The following ZNF800 variants were observed in gnomAD, a reference collection of about 807,000 sequenced individuals.
The protein encoded by ZNF800 is zinc finger protein 800.
Under a neutral mutation model 59.5 loss-of-function variants are expected in ZNF800, and 13 were observed. That is an observed-to-expected ratio of 0.22 (90% CI 0.14 to 0.35). The LOEUF (loss-of-function observed/expected upper bound fraction) is 0.35, where lower values mean the gene tolerates loss of function less well. Among genes scored for constraint, ZNF800 ranks in the 10% least tolerant of loss-of-function variants. ZNF800 has a pLI of 1.00. For synonymous variants in ZNF800, 266 were observed against 265.7 expected (o/e 1.00, Z -0.01); for missense variants, 621 against 783.7 (o/e 0.79, Z 2.48).
chr7:127,389,799 C>CT (rs1391215292), intron 2 of ZNF800, among the ~76,000 whole-genome samples: 2 of 152,000 alleles, frequency 1.3e-5, no homozygotes, highest in African/African-American at 2.4e-5. Flanking sequence ...ACAATTTTGT[C>CT]TGAGTTCCTG....
At chr7:127,372,498 A>AT in intron 5 of ZNF800, 2 of 537,086 alleles carry the variant, frequency 3.7e-6, no homozygotes, top group Non-Finnish European at 4.7e-6. Context: ...AAAAAAAAAA[A>AT]GTAGTATTTT....
intron 1 of ZNF800, among the ~76,000 whole-genome samples, chr7:127,358,063 T>C (rs987841339): frequency 2.0e-5 from 3 of 152,054 alleles, no homozygotes; most frequent in South Asian, 4.1e-4. Flanking sequence ...CTCTAGCCCC[T>C]GGGCAATTTC....
intron 4 of ZNF800, among the ~76,000 whole-genome samples, chr7:127,375,656 A>G (rs1489828192): frequency 6.6e-6 from 1 of 152,066 alleles, no homozygotes; most frequent in East Asian, 1.9e-4. Flanking sequence ...ACAAATAATT[A>G]AAAACTATAC....
At chr7:127,391,468 A>C in intron 2 of ZNF800, 29 bp downstream of exon 2, 4 of 1,612,996 alleles carry the variant, frequency 2.5e-6, no homozygotes, top group Non-Finnish European at 3.4e-6. Flanking sequence ...GATGGAGGGC[A>C]AAGCAACTGC....
At chr7:127,343,422 A>G (rs1207761884), downstream of ZNF800, among the ~76,000 whole-genome samples, 1 of 151,754 alleles carries the variant, frequency 6.6e-6, no homozygotes, top group African/African-American at 2.4e-5. Context: ...TAGACAACAA[A>G]TTTTAAAATT....
chr7:127,358,830 T>G, intron 1 of ZNF800, among the ~76,000 whole-genome samples: 1 of 152,142 alleles, frequency 6.6e-6, no homozygotes, highest in Non-Finnish European at 1.5e-5. Flanking sequence ...AAGCAGGAGC[T>G]TACTTGTTTA....
At chr7:127,380,406 C>T (rs1347735431) in intron 3 of ZNF800, among the ~76,000 whole-genome samples, 1 of 152,052 alleles carries the variant, frequency 6.6e-6, no homozygotes, top group Non-Finnish European at 1.5e-5. Flanking sequence ...ACTGAGGAGT[C>T]AAAAATGAGA....
chr7:127,376,473 C>T (rs1195850092), intron 4 of ZNF800, among the ~76,000 whole-genome samples: 1 of 151,842 alleles, frequency 6.6e-6, no homozygotes. Flanking sequence ...ACACTGCCAG[C>T]CTCATCACAC....
At chr7:127,358,297 G>A (rs1800314191) in intron 1 of ZNF800, among the ~76,000 whole-genome samples, 1 of 150,094 alleles carries the variant, frequency 6.7e-6, no homozygotes, top group Non-Finnish European at 1.5e-5. Flanking sequence ...CGTCTCCACT[G>A]CCTGGAAAAT....
At chr7:127,358,843 G>C (rs1800337502) in intron 1 of ZNF800, among the ~76,000 whole-genome samples, 1 of 152,066 alleles carries the variant, frequency 6.6e-6, no homozygotes, top group Admixed American at 6.6e-5. Flanking sequence ...CTTGTTTACT[G>C]ACTGAATGAA....
At chr7:127,389,589 T>G (rs1025286405) in intron 2 of ZNF800, among the ~76,000 whole-genome samples, 2 of 152,190 alleles carry the variant, frequency 1.3e-5, no homozygotes, top group African/African-American at 4.8e-5. Flanking sequence ...CCACTCAGCA[T>G]ATACCTTCCT....
intron 5 of ZNF800, chr7:127,373,037 C>T: frequency 1.0e-6 from 1 of 984,860 alleles, no homozygotes; most frequent in Non-Finnish European, 1.2e-6. Flanking sequence ...TAAACATAAG[C>T]CAATATAAAT....
chr7:127,362,562 T>A (rs553098461), intron 1 of ZNF800: 1 of 152,108 alleles, frequency 6.6e-6, no homozygotes, highest in Non-Finnish European at 1.5e-5. Context: ...TCAACAGATA[T>A]GTTTTAAGTG....
chr7:127,355,018 C>A (rs966037801), intron 1 of ZNF800, among the ~76,000 whole-genome samples: 4 of 152,022 alleles, frequency 2.6e-5, no homozygotes, highest in African/African-American at 9.7e-5. Flanking sequence ...CTGAGATACA[C>A]ACTCTCAAAA....
rs370834158 is a variant in ZNF800, at chr7:127,377,959, G to C, written c.158-630C>G. Among the ~76,000 whole-genome samples the C allele has an allele frequency of 6.6e-6, 1 of 152,030 alleles. No individual in the cohort carries two copies. Among genetic ancestry groups the C allele is most frequent in the East Asian group, 1.9e-4 (1 of 5,174 alleles). ...GAAGTAGAGAATCTTTGTCTATACT[G>C]AGACATAATTTTGAACTATGCTTAC... On this transcript the variant is annotated intron_variant, in intron 3 of 5. Coordinates refer to ENST00000265827, the MANE Select transcript of ZNF800 (RefSeq NM_176814.5). The surrounding 1 kb of genome is among the most constrained non-coding windows in gnomAD (Gnocchi z 4.7).
intron 2 of ZNF800, 63 bp from the exon 3 acceptor site, chr7:127,386,218 TA>T: frequency 1.0e-6 from 1 of 1,000,810 alleles, no homozygotes; most frequent in South Asian, 1.4e-5. Flanking sequence ...AATCATTTAC[TA>T]TTAAAGTAAA....
intron 3 of ZNF800, among the ~76,000 whole-genome samples, chr7:127,384,529 C>G (rs1801081319): frequency 6.6e-6 from 1 of 151,926 alleles, no homozygotes; most frequent in Non-Finnish European, 1.5e-5. Context: ...CCACCGCGCC[C>G]AGCCTAATTC....
intron 5 of ZNF800, 41 bp from the exon 6 acceptor site, chr7:127,371,855 T>A: frequency 1.3e-6 from 1 of 742,362 alleles, no homozygotes. Flanking sequence ...TTGAGTTTAC[T>A]AATAAAACCT....
At chr7:127,348,322 A>T (rs541470674) in intron 1 of ZNF800, among the ~76,000 whole-genome samples, 1 of 152,146 alleles carries the variant, frequency 6.6e-6, no homozygotes, top group South Asian at 2.1e-4. Flanking sequence ...CAGAAAGTCT[A>T]GCTTGAGAAT....
Sources: allele counts gnomAD v4.1 joint callset (sites outside exome capture counted in the v4.1 genomes callset), GRCh38; gene constraint gnomAD v4.1.1; non-coding constraint Gnocchi (gnomAD v3.1); transcripts MANE v1.5; gene names NCBI Gene and HGNC (gene_info 2026-07-23, HGNC 2026-07-21).